Variants in PLCL2 observed in about 807,000 individuals in gnomAD.
PLCL2 encodes the protein phospholipase C like 2.
A neutral mutation model predicts 79.6 loss-of-function variants in PLCL2; 4 were observed. That is an observed-to-expected ratio of 0.05 (90% CI 0.02 to 0.11). The LOEUF is 0.11. Ranked by LOEUF, PLCL2 falls within the 10% of genes least tolerant of loss-of-function variation. PLCL2 has a pLI of 1.00. For synonymous variants in PLCL2, 484 were observed against 457.7 expected, an observed-to-expected ratio of 1.06 and a Z score of -0.73; for missense variants, 895 against 1,291.0, an observed-to-expected ratio of 0.69 and a Z score of 4.70.
chr3:17,031,142 C>T (rs1427013732), intron 3 of PLCL2, among the ~76,000 whole-genome samples: 3 of 152,150 alleles, frequency 2.0e-5, no homozygotes, highest in East Asian at 1.9e-4. Context: ...TGTCCTCCCA[C>T]GGGAATGATT....
chr3:16,934,989 C>A (rs1387507753), intron 1 of PLCL2, among the ~76,000 whole-genome samples: 1 of 152,186 alleles, frequency 6.6e-6, no homozygotes, highest in Non-Finnish European at 1.5e-5. Flanking sequence ...TGAAATATTT[C>A]AATAATGTAG....
intron 4 of PLCL2, among the ~76,000 whole-genome samples, chr3:17,064,080 C>G (rs558016168): frequency 1.3e-5 from 2 of 152,264 alleles, no homozygotes; most frequent in Admixed American, 1.3e-4. Context: ...GCTAATGTTT[C>G]TTTGCTGAAA....
chr3:16,989,905 T>C (rs6778233), intron 1 of PLCL2, among the ~76,000 whole-genome samples: 52,740 of 151,916 alleles, frequency 0.35, 9,576 homozygotes, highest in African/African-American at 0.41. Flanking sequence ...AACCAAGGTT[T>C]GTAGGTGCTC....
chr3:17,042,218 G>A (rs2064730605), intron 3 of PLCL2, among the ~76,000 whole-genome samples: 1 of 152,114 alleles, frequency 6.6e-6, no homozygotes, highest in Admixed American at 6.5e-5. Flanking sequence ...TAGCTTTTTG[G>A]TGAGTAAAAT....
At chr3:16,901,526 C>T (rs550700758) in intron 1 of PLCL2, among the ~76,000 whole-genome samples, 1 of 152,330 alleles carries the variant, frequency 6.6e-6, no homozygotes, top group East Asian at 1.9e-4. Context: ...AGCATATAGT[C>T]TTACCACTTG....
intron 1 of PLCL2, among the ~76,000 whole-genome samples, chr3:16,954,797 G>A (rs1474853589): frequency 4.6e-5 from 7 of 152,168 alleles, no homozygotes; most frequent in East Asian, 3.9e-4. Context: ...GCATTTTTTG[G>A]TGTGTTTTTT....
chr3:16,887,255 T>C lies in PLCL2; in HGVS notation c.327+1889T>C, dbSNP rs1218078317. ...AGGATATTTTGTCATTTTTCTTCTT[T>C]GTAAAGAAAGCATTTGGCTTCTTGT... On this transcript the variant is annotated intron_variant, in intron 1 of 5. Coordinates refer to ENST00000615277, the MANE Select transcript of PLCL2 (RefSeq NM_001144382.2). This position sits in a 1 kb window ranked among gnomAD's most constrained non-coding sequence, Gnocchi z 4.1. 6.6e-6 allele frequency among the ~76,000 whole-genome samples: 1 copy of C among 152,232 alleles called. No individual in the cohort carries two copies. Among genetic ancestry groups the C allele is most frequent in the East Asian group, 1.9e-4 (1 of 5,204 alleles).
In PLCL2 at chr3:16,887,429, G is replaced by A. The variant is rs1176238315; in HGVS notation, c.327+2063G>A. 6.6e-6 allele frequency among the ~76,000 whole-genome samples: 1 copy of A among 152,104 alleles called. No homozygotes were observed. Among genetic ancestry groups the A allele is most frequent in the Non-Finnish European group, 1.5e-5 (1 of 68,010 alleles). Reference sequence around the variant, plus strand: ...TTTGGATTTACCAGTCCCATATTTTGTTCATTGTATTGTACCTCCAAAGAA... The same window carrying A: ...TTTGGATTTACCAGTCCCATATTTTATTCATTGTATTGTACCTCCAAAGAA... On this transcript the variant is annotated intron_variant, in intron 1 of 5. Transcript: ENST00000615277. The surrounding 1 kb of genome is among the most constrained non-coding windows in gnomAD (Gnocchi z 4.1).
At chr3:16,901,059 C>T (rs1696605759) in intron 1 of PLCL2, among the ~76,000 whole-genome samples, 1 of 152,112 alleles carries the variant, frequency 6.6e-6, no homozygotes, top group South Asian at 2.1e-4. Flanking sequence ...TGTTGCTGGC[C>T]CACTGTTACT....
intron 5 of PLCL2, among the ~76,000 whole-genome samples, chr3:17,081,770 A>G (rs1255180879): frequency 6.6e-6 from 1 of 152,212 alleles, no homozygotes; most frequent in Non-Finnish European, 1.5e-5. Context: ...CAGAAAAAGC[A>G]CAGTCACGCC....
chr3:17,085,058 C>T lies in PLCL2; in HGVS notation c.3205-4675C>T, dbSNP rs114868032. 5.8e-3 allele frequency among the ~76,000 whole-genome samples: 881 copies of T among 152,080 alleles called. 10 individuals are homozygous for T. Among genetic ancestry groups the T allele is most frequent in the African/African-American group, 0.02 (842 of 41,482 alleles). On this transcript the variant is annotated intron_variant, in intron 5 of 5. Transcript: ENST00000615277. The stretch of plus-strand genomic sequence containing the variant: ...AAAAGAATTGACAAAAAAATCTCCT[C>T]GAACAATATAATGAGCAATTATGGC...
chr3:16,947,989 T>C (rs2063617324), intron 1 of PLCL2, among the ~76,000 whole-genome samples: 3 of 152,228 alleles, frequency 2.0e-5, no homozygotes, highest in African/African-American at 4.8e-5. Context: ...CATGTTTTAA[T>C]TGTCCTCCTT....
intron 5 of PLCL2, among the ~76,000 whole-genome samples, chr3:17,069,439 T>C (rs757050604): frequency 1.2e-4 from 18 of 152,172 alleles, no homozygotes; most frequent in Non-Finnish European, 2.5e-4. Flanking sequence ...TGCTTCTCTT[T>C]GGTGGGTCCA....
At chr3:16,903,110 T>A (rs1311024954) in intron 1 of PLCL2, among the ~76,000 whole-genome samples, 1 of 152,018 alleles carries the variant, frequency 6.6e-6, no homozygotes, top group African/African-American at 2.4e-5. Flanking sequence ...AGAGGGACGA[T>A]TTTTAAGTAT....
chr3:17,065,008 T>A (rs2064994646), intron 4 of PLCL2, among the ~76,000 whole-genome samples: 1 of 150,800 alleles, frequency 6.6e-6, no homozygotes, highest in African/African-American at 2.4e-5. Flanking sequence ...TAAATGACAA[T>A]GGGATTGATA....
chr3:16,906,253 A>G (rs953825344), intron 1 of PLCL2, among the ~76,000 whole-genome samples: 2 of 152,280 alleles, frequency 1.3e-5, no homozygotes, highest in Admixed American at 6.5e-5. Flanking sequence ...TACCCAGTGA[A>G]TAAGTTGGCC....
At chr3:17,042,333 CATTA>C (rs1449474974) in intron 3 of PLCL2, among the ~76,000 whole-genome samples, 1 of 152,080 alleles carries the variant, frequency 6.6e-6, no homozygotes, top group African/African-American at 2.4e-5. Context: ...TTTTAAAAAC[CATTA>C]ATAGGAACAT....
chr3:17,063,224 TCCTC>T (rs1559536555), intron 4 of PLCL2, among the ~76,000 whole-genome samples: 12 of 35,032 alleles, frequency 3.4e-4, no homozygotes, highest in African/African-American at 4.7e-4. Flanking sequence ...TTCTCTTCCT[TCCTC>T]CCTCCCTCCC....
Position 17,011,831 on chromosome 3 carries a change from T to A in PLCL2, c.2485T>A (p.Phe829Ile), listed in dbSNP as rs1465938143. Residue 829 changes from phenylalanine (F) to isoleucine (I), a missense_variant, in exon 2 of 6, where the codon TTT becomes ATT. Physicochemically the swap from Phe to Ile is conservative, Grantham distance 21 (BLOSUM62 0). Coordinates refer to ENST00000615277, the MANE Select transcript of PLCL2 (RefSeq NM_001144382.2). The surrounding 1 kb of genome is among the most constrained non-coding windows in gnomAD (Gnocchi z 7.9). The part of the protein sequence containing the change: ...INLPELAMVR[F>I]VVLDDDYIGD... ...CCTGCCTGAACTGGCCATGGTGCGC[T>A]TTGTAGTGCTGGATGATGACTACAT... The A allele has an allele frequency of 6.2e-7, 1 of 1,614,098 alleles. No individual in the cohort carries two copies. The highest frequency in any genetic ancestry group is 8.5e-7 in the Non-Finnish European group (1 of 1,180,022).
Sources: allele counts gnomAD v4.1 joint callset (sites outside exome capture counted in the v4.1 genomes callset), GRCh38; gene constraint gnomAD v4.1.1; non-coding constraint Gnocchi (gnomAD v3.1); transcripts MANE v1.5; gene names NCBI Gene and HGNC (gene_info 2026-07-23, HGNC 2026-07-21).